Variants in STK39 observed in about 807,000 individuals in gnomAD.
STK39 encodes the protein STE20/SPS1-related proline-alanine-rich protein kinase.
A neutral mutation model predicts 77.8 loss-of-function variants in STK39; 20 were observed. The observed-to-expected ratio is 0.26, with a 90% CI of 0.18 to 0.37. The LOEUF is 0.37. Among genes scored for constraint, STK39 ranks in the 10% least tolerant of loss-of-function variants. STK39 has a pLI of 1.00. For missense variants in STK39, 479 were observed against 656.5 expected (o/e 0.73, Z 2.95); for synonymous variants, 246 against 234.1 (o/e 1.05, Z -0.47).
intron 14 of STK39, among the ~76,000 whole-genome samples, chr2:168,049,925 G>A (rs1685350596): frequency 6.6e-6 from 1 of 152,302 alleles, no homozygotes; most frequent in East Asian, 1.9e-4. Context: ...TCTAAAGGAG[G>A]GGGCTACATG....
Position 167,955,292 on chromosome 2 carries a change from A to G in STK39, c.*204T>C. The G allele has an allele frequency of 2.0e-6, 1 of 500,520 alleles. No individual in the cohort carries two copies. Among genetic ancestry groups the G allele is most frequent in the South Asian group, 2.6e-5 (1 of 38,134 alleles). 31.0% of individuals were successfully genotyped at this position (500,520 alleles called of 1,614,324 possible). A position where few individuals can be genotyped will look rare whatever the true frequency, so the allele number is the denominator to read the frequency against. The stretch of plus-strand genomic sequence containing the variant: ...TTCTTGTACTGTGGATTGCTAGAGA[A>G]TAAAGCAGAACTCGGAGTGTTGTAA... On this transcript the variant is annotated 3_prime_UTR_variant, in exon 18 of 18. Coordinates refer to ENST00000355999, the MANE Select transcript of STK39 (RefSeq NM_013233.3).
chr2:168,150,106 G>A (rs1010949955), intron 5 of STK39, among the ~76,000 whole-genome samples: 1 of 152,164 alleles, frequency 6.6e-6, no homozygotes, highest in African/African-American at 2.4e-5. Context: ...AACGCACATC[G>A]AAGAAGAGAA....
chr2:168,045,174 TA>T (rs533365515), intron 14 of STK39, among the ~76,000 whole-genome samples: 53 of 150,944 alleles, frequency 3.5e-4, no homozygotes, highest in Non-Finnish European at 5.6e-4. Context: ...TTAATCTGGT[TA>T]AAAAAAAAAT....
At chr2:168,012,903 C>A (rs1171427576) in intron 15 of STK39, among the ~76,000 whole-genome samples, 2 of 152,208 alleles carry the variant, frequency 1.3e-5, no homozygotes, top group African/African-American at 4.8e-5. Context: ...ATTTATTCAA[C>A]AGAAGTTATG....
At chr2:168,080,578 C>T (rs1487215044) in intron 10 of STK39, among the ~76,000 whole-genome samples, 5 of 151,682 alleles carry the variant, frequency 3.3e-5, no homozygotes, top group East Asian at 1.9e-4. Context: ...TGCAGTGAGC[C>T]GAGATGGCAC....
chr2:168,034,715 C>T (rs532596822), intron 14 of STK39, among the ~76,000 whole-genome samples: 3 of 152,284 alleles, frequency 2.0e-5, no homozygotes, highest in Admixed American at 6.5e-5. Flanking sequence ...CACGCAGAAA[C>T]GCTCCTGGCA....
At chr2:168,040,164 C>A (rs1685066521) in intron 14 of STK39, among the ~76,000 whole-genome samples, 1 of 152,024 alleles carries the variant, frequency 6.6e-6, no homozygotes, top group African/African-American at 2.4e-5. Context: ...CCTTGTTCAT[C>A]TTTATATTAC....
At chr2:168,117,644 G>C (rs1687292585) in intron 10 of STK39, among the ~76,000 whole-genome samples, 1 of 152,186 alleles carries the variant, frequency 6.6e-6, no homozygotes, top group African/African-American at 2.4e-5. Context: ...GGCTGGGAGA[G>C]ATACAAGTGT....
chr2:168,151,760 A>G (rs908505569), intron 5 of STK39, among the ~76,000 whole-genome samples: 1 of 151,404 alleles, frequency 6.6e-6, no homozygotes, highest in Non-Finnish European at 1.5e-5. Context: ...AAAAAAATTC[A>G]ACAGGATTCT....
chr2:168,232,696 A>G (rs1690489261), intron 1 of STK39, among the ~76,000 whole-genome samples: 1 of 152,106 alleles, frequency 6.6e-6, no homozygotes, highest in South Asian at 2.1e-4. Flanking sequence ...GCAAATCACG[A>G]GGTCAGGAGT....
intron 1 of STK39, among the ~76,000 whole-genome samples, chr2:168,204,991 C>T (rs1689704751): frequency 6.6e-6 from 1 of 152,132 alleles, no homozygotes; most frequent in South Asian, 2.1e-4. Flanking sequence ...TAATACACTG[C>T]ATTGAAATTT....
intron 14 of STK39, among the ~76,000 whole-genome samples, chr2:168,030,998 A>G (rs1684820007): frequency 6.6e-6 from 1 of 152,168 alleles, no homozygotes; most frequent in African/African-American, 2.4e-5. Context: ...ACAAACCAAA[A>G]ATCCAAAGAT....
At chr2:168,156,888 G>T (rs1040940721) in intron 5 of STK39, among the ~76,000 whole-genome samples, 1 of 152,112 alleles carries the variant, frequency 6.6e-6, no homozygotes, top group East Asian at 1.9e-4. Context: ...AGCGCTGCTC[G>T]GGTGCCTTGC....
intron 16 of STK39, among the ~76,000 whole-genome samples, chr2:167,969,652 T>C (rs1692271754): frequency 1.3e-5 from 2 of 152,192 alleles, no homozygotes; most frequent in South Asian, 2.1e-4. Context: ...TATATCCACA[T>C]ACGCAGAAAC....
At chr2:168,180,207 C>T (rs1419534439) in intron 2 of STK39, among the ~76,000 whole-genome samples, 3 of 151,976 alleles carry the variant, frequency 2.0e-5, no homozygotes, top group South Asian at 4.1e-4. Flanking sequence ...ATTAGCCGGG[C>T]GTGGTGGTGC....
chr2:168,221,359 C>A (rs1482414797), intron 1 of STK39, among the ~76,000 whole-genome samples: 1 of 151,962 alleles, frequency 6.6e-6, no homozygotes, highest in African/African-American at 2.4e-5. Flanking sequence ...AAAACAAATA[C>A]ACACACACTT....
At chr2:168,161,562 T>G (rs1688573579) in intron 5 of STK39, among the ~76,000 whole-genome samples, 1 of 152,208 alleles carries the variant, frequency 6.6e-6, no homozygotes, top group Non-Finnish European at 1.5e-5. Flanking sequence ...AAAATTATTC[T>G]TTATCAAAAA....
intron 1 of STK39, among the ~76,000 whole-genome samples, chr2:168,200,568 T>G (rs900913844): frequency 3.8e-4 from 58 of 152,082 alleles, no homozygotes; most frequent in African/African-American, 1.3e-3. Flanking sequence ...CCCCAGCTAC[T>G]TGGGAGGCTG....
chr2:168,038,165 A>G (rs1685007283), intron 14 of STK39, among the ~76,000 whole-genome samples: 2 of 152,132 alleles, frequency 1.3e-5, no homozygotes, highest in Non-Finnish European at 2.9e-5. Flanking sequence ...ACACATGTAA[A>G]CTTGGAGAAA....
Sources: allele counts gnomAD v4.1 joint callset (sites outside exome capture counted in the v4.1 genomes callset), GRCh38; gene constraint gnomAD v4.1.1; transcripts MANE v1.5; gene names NCBI Gene and HGNC (gene_info 2026-07-23, HGNC 2026-07-21).